The following ROBO2 variants were observed in gnomAD, a reference collection of about 807,000 sequenced individuals.
ROBO2 encodes roundabout homolog 2.
A neutral mutation model predicts 160.8 loss-of-function variants in ROBO2; 53 were observed. The observed-to-expected ratio is 0.33, with a 90% CI of 0.26 to 0.41. The LOEUF (loss-of-function observed/expected upper bound fraction) is 0.41, where lower values mean the gene tolerates loss of function less well. Among genes scored for constraint, ROBO2 ranks in the 10% least tolerant of loss-of-function variants. The pLI is 1.00. For synonymous variants in ROBO2, 664 were observed against 611.7 expected (o/e 1.09, Z -1.26); for missense variants, 1,577 against 1,722.4 (o/e 0.92, Z 1.49).
At chr3:75,945,638 T>C (rs1948260099) in intron 2 of ROBO2, among the ~76,000 whole-genome samples, 2 of 152,162 alleles carry the variant, frequency 1.3e-5, no homozygotes, top group Admixed American at 6.6e-5. Context: ...AAATTCTAAT[T>C]TAAACTGATT....
intron 2 of ROBO2, among the ~76,000 whole-genome samples, chr3:76,304,758 C>CTTTCTTTCTTTT (rs1431706406): frequency 1.5e-5 from 2 of 133,016 alleles, no homozygotes; most frequent in South Asian, 2.4e-4. Flanking sequence ...TTCTTTCTTT[C>CTTTCTTTCTTTT]TTTCTTTCTT....
chr3:76,570,327 G>A (rs1330537541), intron 2 of ROBO2, among the ~76,000 whole-genome samples: 1 of 152,122 alleles, frequency 6.6e-6, no homozygotes, highest in African/African-American at 2.4e-5. Context: ...AACTGTTAAT[G>A]CATCTGTGGC....
At chr3:76,615,913 T>C (rs556768489) in intron 2 of ROBO2, among the ~76,000 whole-genome samples, 8 of 152,288 alleles carry the variant, frequency 5.3e-5, no homozygotes, top group South Asian at 4.1e-4. Flanking sequence ...AAATGAATTA[T>C]CCAATTTACA....
chr3:76,545,111 AT>A (rs1244486921), intron 2 of ROBO2, among the ~76,000 whole-genome samples: 3 of 151,894 alleles, frequency 2.0e-5, no homozygotes, highest in Admixed American at 6.6e-5. Context: ...TCCATCTTCT[AT>A]TTCTGTTCAG....
chr3:76,902,559 T>G (rs1277503970), intron 2 of ROBO2, among the ~76,000 whole-genome samples: 22 of 152,078 alleles, frequency 1.4e-4, no homozygotes, highest in Admixed American at 1.4e-3. Context: ...TTTTCAGTTG[T>G]CTGGACCCTT....
chr3:77,546,341 C>T (rs761239340), exon 7 of ROBO2: 3 of 1,612,964 alleles, frequency 1.9e-6, no homozygotes, highest in Non-Finnish European at 2.5e-6. Context: ...ATTATAGCTC[C>T]CCCACAGTTT....
At position 76,038,767 on chromosome 3, in the gene ROBO2, CGTGTGT is replaced by C. The variant is rs66489028; in HGVS notation, c.109+101184_109+101189del. On this transcript the variant is annotated intron_variant, in intron 2 of 26. Transcript: ENST00000487694. ...CCAACTGGTAGCACATGGAAAACTG[CGTGTGT>C]GTGTGTGTGTGTGTGTGTATGTATG... Among the ~76,000 whole-genome samples the C allele has an allele frequency of 4.6e-3, 685 of 148,192 alleles. 17 individuals carry two copies. The highest frequency in any genetic ancestry group is 0.015 in the African/African-American group (618 of 40,548).
chr3:76,214,213 C>T lies in ROBO2; in HGVS notation c.109+276611C>T, dbSNP rs192127533. Among the ~76,000 whole-genome samples the T allele has an allele frequency of 2.7e-3, 410 of 152,278 alleles. 7 individuals are homozygous for T. The highest frequency in any genetic ancestry group is 0.025 in the Admixed American group (385 of 15,294). ...ATTTCTCCAGCATGATACAACAGTC[C>T]ATACAACTGAAAACACACTAATCCA... On this transcript the variant is annotated intron_variant, in intron 2 of 26. Coordinates refer to the ROBO2 transcript ENST00000487694.
intron 2 of ROBO2, among the ~76,000 whole-genome samples, chr3:77,472,950 G>A (rs904822732): frequency 6.6e-6 from 1 of 151,984 alleles, no homozygotes; most frequent in Non-Finnish European, 1.5e-5. Flanking sequence ...CCCAAGGTTC[G>A]TTGCCTCGTG....
At chr3:76,570,014 A>G (rs1055183381) in intron 2 of ROBO2, among the ~76,000 whole-genome samples, 10 of 152,164 alleles carry the variant, frequency 6.6e-5, no homozygotes, top group Admixed American at 3.3e-4. Context: ...GCATGCCTGT[A>G]GTCCTAGCTA....
Position 76,280,137 on chromosome 3 carries a change from G to T in ROBO2, c.109+342535G>T, listed in dbSNP as rs190338195. Among the ~76,000 whole-genome samples, 175 of 152,088 alleles carry T rather than the reference G, an allele frequency of 1.2e-3. 2 individuals are homozygous for T. Among genetic ancestry groups the T allele is most frequent in the Admixed American group, 8.7e-3 (133 of 15,228 alleles). The stretch of plus-strand genomic sequence containing the variant: ...CAAAATAAGCATGAATTCCTGAAAA[G>T]TCGGCAATTTCTGTTAAAGCGAATA... On this transcript the variant is annotated intron_variant, in intron 2 of 26. Transcript: ENST00000487694.
intron 2 of ROBO2, among the ~76,000 whole-genome samples, chr3:76,812,909 A>ATTTTTTTTTTTTTTTTTTTTT (rs71104626): frequency 6.7e-5 from 7 of 104,658 alleles, no homozygotes; most frequent in African/African-American, 2.5e-4. Context: ...AGAAGTATAA[A>ATTTTTTTTTTTTTTTTTTTTT]TTTTTTTTTT....
chr3:76,996,188 G>C (rs1407659305), intron 2 of ROBO2, among the ~76,000 whole-genome samples: 5 of 152,092 alleles, frequency 3.3e-5, no homozygotes, highest in Non-Finnish European at 7.4e-5. Flanking sequence ...AGTTTTCCCA[G>C]CACCATTTAT....
chr3:77,262,806 C>G (rs1366978038), intron 2 of ROBO2, among the ~76,000 whole-genome samples: 2 of 152,232 alleles, frequency 1.3e-5, no homozygotes, highest in Admixed American at 6.5e-5. Flanking sequence ...TCCCACATTC[C>G]CCAGCATTTA....
intron 2 of ROBO2, among the ~76,000 whole-genome samples, chr3:77,198,627 G>C (rs779284182): frequency 6.6e-6 from 1 of 152,160 alleles, no homozygotes; most frequent in Non-Finnish European, 1.5e-5. Flanking sequence ...ACGGCCAGGC[G>C]CAGTAGCTCA....
At chr3:76,571,087 T>C (rs2084925081) in intron 2 of ROBO2, among the ~76,000 whole-genome samples, 1 of 152,122 alleles carries the variant, frequency 6.6e-6, no homozygotes, top group Admixed American at 6.5e-5. Flanking sequence ...TTATGTAAGG[T>C]CTTTTTATCT....
At chr3:76,521,045 CTTTTTTT>C (rs58517740) in intron 2 of ROBO2, among the ~76,000 whole-genome samples, 12 of 100,122 alleles carry the variant, frequency 1.2e-4, no homozygotes, top group Admixed American at 4.7e-4. Flanking sequence ...AAAATTGCTT[CTTTTTTT>C]TTTTTTTTTT....
At chr3:76,700,024 A>C (rs1050061008) in intron 2 of ROBO2, among the ~76,000 whole-genome samples, 18 of 151,996 alleles carry the variant, frequency 1.2e-4, no homozygotes, top group Non-Finnish European at 1.9e-4. Context: ...AGCAAAAAAA[A>C]CCCATGGGCC....
chr3:77,347,620 C>T (rs936829981), intron 2 of ROBO2, among the ~76,000 whole-genome samples: 8 of 152,060 alleles, frequency 5.3e-5, no homozygotes, highest in African/African-American at 1.4e-4. Flanking sequence ...ATGCAAACTG[C>T]CCTTACGACC....
Sources: allele counts gnomAD v4.1 joint callset (sites outside exome capture counted in the v4.1 genomes callset), GRCh38; gene constraint gnomAD v4.1.1; transcripts MANE v1.5; gene names NCBI Gene and HGNC (gene_info 2026-07-23, HGNC 2026-07-21).